NEK10: variants seen among roughly 807,000 people sequenced by gnomAD.
The protein encoded by NEK10 is serine/threonine-protein kinase Nek10.
Under a neutral mutation model 159.8 loss-of-function variants are expected in NEK10, and 122 were observed. That is an observed-to-expected ratio of 0.76 (90% confidence interval 0.66 to 0.89). The LOEUF is 0.89. Ranked by LOEUF, NEK10 falls within the 40% of genes least tolerant of loss-of-function variation. NEK10 has a pLI of 0.00. For synonymous variants in NEK10, 466 were observed against 457.1 expected (o/e 1.02, Z -0.25); for missense variants, 1,342 against 1,323.1 (o/e 1.01, Z -0.22).
At chr3:27,142,358 C>T (rs1943868628) in intron 30 of NEK10, among the ~76,000 whole-genome samples, 1 of 152,184 alleles carries the variant, frequency 6.6e-6, no homozygotes. Context: ...TTTTCACCCA[C>T]AGAACCACAC....
chr3:27,310,833 C>G, intron 9 of NEK10, 116 bp downstream of exon 9: 1 of 596,774 alleles, frequency 1.7e-6, no homozygotes, highest in East Asian at 2.8e-5. Flanking sequence ...TCAGGCCAGG[C>G]TGGTAGGTTT....
At chr3:27,177,797 G>A (rs2148899247) in intron 26 of NEK10, among the ~76,000 whole-genome samples, 1 of 152,084 alleles carries the variant, frequency 6.6e-6, no homozygotes, top group East Asian at 1.9e-4. Flanking sequence ...ACATAGCAAA[G>A]GCTCAATAAA....
intron 22 of NEK10, among the ~76,000 whole-genome samples, chr3:27,283,966 T>C (rs1372105710): frequency 6.6e-6 from 1 of 152,226 alleles, no homozygotes; most frequent in Non-Finnish European, 1.5e-5. Context: ...TGGAATTAAA[T>C]ACTTAAGTAT....
intron 30 of NEK10, among the ~76,000 whole-genome samples, chr3:27,156,929 GATATATATATATATATATATAT>G (rs4016654): frequency 0.021 from 597 of 28,344 alleles, 24 homozygotes; most frequent in African/African-American, 0.045. Context: ...TAAAGAAACT[GATATATATATATATATATATAT>G]ATATATATAT....
rs554920807 is a variant in NEK10 at position 27,155,583 on chromosome 3, A to G, written c.2869+7118T>C. 1.1e-3 allele frequency among the ~76,000 whole-genome samples: 173 copies of G among 151,544 alleles called. 1 individual carries two copies. Among genetic ancestry groups the G allele is most frequent in the African/African-American group, 4.0e-3 (167 of 41,432 alleles). ...AAAATACTTAGGAATATACCTAACC[A>G]AGAAGTTGAAAGACCTCTACAAGGA... On this transcript the variant is annotated intron_variant, in intron 30 of 35. Coordinates refer to ENST00000691995, the MANE Select transcript of NEK10 (RefSeq NM_001394966.1).
chr3:27,262,574 C>T (rs949764181), intron 22 of NEK10, among the ~76,000 whole-genome samples: 1 of 152,196 alleles, frequency 6.6e-6, no homozygotes, highest in Non-Finnish European at 1.5e-5. Flanking sequence ...CGCTTCATTT[C>T]ATTCATTTGA....
rs1385541747 is a variant in NEK10, at chr3:27,202,487, G to A, written c.2161C>T (p.Gln721Ter). ...AAGGGGGGACTCAAAGTCGCCATCT[G>A]ATAAAGGATGCAGCCTACTGCCCAG... Reference protein sequence around the residue: ...DVWAVGCILYQMATLSPPFYS... With the variant: ...DVWAVGCILY The change falls in exon 24 of 36, where the codon CAG (glutamine) becomes TAG (stop). Residue 721 changes from glutamine to a stop codon, truncating the protein, a stop_gained. Transcript: ENST00000691995. LOFTEE classifies it high-confidence loss of function. The A allele has an allele frequency of 2.5e-6, 4 of 1,613,576 alleles. No homozygotes were observed. Among genetic ancestry groups the A allele is most frequent in the Non-Finnish European group, 3.4e-6 (4 of 1,179,742 alleles).
At chr3:27,138,697 C>A (rs141655810) in intron 31 of NEK10, among the ~76,000 whole-genome samples, 1 of 152,166 alleles carries the variant, frequency 6.6e-6, no homozygotes, top group Non-Finnish European at 1.5e-5. Context: ...GATTTGGGAA[C>A]TGGTTTGACT....
chr3:27,282,747 TTATA>T (rs947363981), intron 22 of NEK10, among the ~76,000 whole-genome samples: 1 of 144,710 alleles, frequency 6.9e-6, no homozygotes, highest in South Asian at 2.2e-4. Flanking sequence ...CATAACTGTG[TTATA>T]TATATATACT....
intron 31 of NEK10, among the ~76,000 whole-genome samples, chr3:27,134,522 C>G (rs1942983013): frequency 6.6e-6 from 1 of 152,138 alleles, no homozygotes; most frequent in Non-Finnish European, 1.5e-5. Context: ...GGGACTTAAC[C>G]CACTACTGGA....
At chr3:27,147,427 G>C (rs970449926) in intron 30 of NEK10, among the ~76,000 whole-genome samples, 3 of 152,190 alleles carry the variant, frequency 2.0e-5, no homozygotes, top group Non-Finnish European at 4.4e-5. Flanking sequence ...AGATGCCCCT[G>C]CTACCCTAGC....
intron 12 of NEK10, among the ~76,000 whole-genome samples, chr3:27,303,218 A>G (rs1266988986): frequency 6.6e-6 from 1 of 152,210 alleles, no homozygotes; most frequent in East Asian, 1.9e-4. Flanking sequence ...GGAAAATGAT[A>G]CTTTAGATGT....
intron 23 of NEK10, among the ~76,000 whole-genome samples, chr3:27,211,901 T>G (rs946140446): frequency 1.3e-4 from 20 of 152,228 alleles, no homozygotes; most frequent in Non-Finnish European, 2.9e-4. Context: ...TGAATTGACT[T>G]TTAAACTGTT....
intron 31 of NEK10, among the ~76,000 whole-genome samples, chr3:27,138,922 GA>G (rs1943501430): frequency 6.6e-6 from 1 of 152,178 alleles, no homozygotes; most frequent in Admixed American, 6.5e-5. Flanking sequence ...CTATGGCACA[GA>G]ATGGGTTCTT....
intron 22 of NEK10, among the ~76,000 whole-genome samples, chr3:27,260,985 C>T (rs1264605787): frequency 6.6e-6 from 1 of 152,108 alleles, no homozygotes; most frequent in African/African-American, 2.4e-5. Flanking sequence ...TCCATTTCTT[C>T]TAGATTTTCT....
intron 32 of NEK10, among the ~76,000 whole-genome samples, chr3:27,122,116 T>G (rs1364204654): frequency 2.0e-5 from 3 of 152,180 alleles, no homozygotes; most frequent in African/African-American, 7.2e-5. Context: ...TGATAACTGA[T>G]AACTGAGGTA....
chr3:27,299,655 G>A (rs149556435), intron 13 of NEK10, among the ~76,000 whole-genome samples: 16 of 152,328 alleles, frequency 1.1e-4, no homozygotes, highest in African/African-American at 2.2e-4. Context: ...GAAAGCAGCC[G>A]AGAGGGAAGC....
At chr3:27,348,615 G>T (rs185209830) in intron 3 of NEK10, among the ~76,000 whole-genome samples, 4 of 152,086 alleles carry the variant, frequency 2.6e-5, no homozygotes, top group South Asian at 4.1e-4. Context: ...CCTGATCTTG[G>T]GTCAGGGTGT....
In NEK10 at chr3:27,156,963, T is replaced by TATATAC. The variant is rs1945522203; in HGVS notation, c.2869+5737_2869+5738insGTATAT. On this transcript the variant is annotated intron_variant, in intron 30 of 35. Coordinates refer to ENST00000691995, the MANE Select transcript of NEK10 (RefSeq NM_001394966.1). ...ATATATATATATATATATATATATA[T>TATATAC]ATATATATATATATATGATGAAATA... is the stretch of plus-strand genomic sequence containing the variant. Among the ~76,000 whole-genome samples, 9 of 125,564 alleles carry TATATAC rather than the reference T, an allele frequency of 7.2e-5. 1 individual carries two copies. The highest frequency in any genetic ancestry group is 1.5e-4 in the Non-Finnish European group (9 of 59,098). 82.4% of individuals were successfully genotyped at this position (125,564 alleles called of 152,430 possible). A position where few individuals can be genotyped will look rare whatever the true frequency, so the allele number is the denominator to read the frequency against.
Sources: allele counts gnomAD v4.1 joint callset (sites outside exome capture counted in the v4.1 genomes callset), GRCh38; gene constraint gnomAD v4.1.1; transcripts MANE v1.5; gene names NCBI Gene and HGNC (gene_info 2026-07-23, HGNC 2026-07-21).